ARHGAP6: variants seen among roughly 807,000 people sequenced by gnomAD.
The protein encoded by ARHGAP6 is rho GTPase-activating protein 6.
ARHGAP6 carries 16 observed loss-of-function variants against 55.7 expected under a neutral mutation model. The ratio of observed to expected loss-of-function variants is 0.29; its 90% CI spans 0.19 to 0.44. The LOEUF (loss-of-function observed/expected upper bound fraction) is 0.44, where lower values mean the gene tolerates loss of function less well. Ranked by LOEUF, ARHGAP6 falls within the 20% of genes least tolerant of loss-of-function variation. ARHGAP6 has a pLI of 1.00. For synonymous variants in ARHGAP6, 382 were observed against 360.9 expected (o/e 1.06, Z -0.66); for missense variants, 698 against 808.9 (o/e 0.86, Z 1.66).
At chrX:11,395,737 G>A (rs1055223104) in intron 1 of ARHGAP6, among the ~76,000 whole-genome samples, 20 of 112,278 alleles carry the variant, frequency 1.8e-4, no homozygotes, top group African/African-American at 6.2e-4. Context: ...AAGAGAGAAG[G>A]TGACTGTTGC....
At chrX:11,265,813 A>T in intron 1 of ARHGAP6, 2 of 934,659 alleles carry the variant, frequency 2.1e-6, no homozygotes, top group Admixed American at 4.1e-5. Context: ...GAAATGGCAG[A>T]TCATATTGAA....
intron 1 of ARHGAP6, among the ~76,000 whole-genome samples, chrX:11,432,572 A>G (rs897171124): frequency 6.2e-5 from 7 of 112,804 alleles, no homozygotes; most frequent in African/African-American, 2.3e-4. Context: ...ACACTATTGT[A>G]TAAACAGACT....
chrX:11,624,744 G>T (rs1248150406), intron 1 of ARHGAP6, among the ~76,000 whole-genome samples: 1 of 110,908 alleles, frequency 9.0e-6, no homozygotes, highest in Non-Finnish European at 1.9e-5. Flanking sequence ...GTAGAGACGG[G>T]GTTTCACCGC....
chrX:11,227,757 C>T (rs2047070564), intron 2 of ARHGAP6, among the ~76,000 whole-genome samples: 1 of 109,660 alleles, frequency 9.1e-6, no homozygotes, highest in Middle Eastern at 4.3e-3. Context: ...TTTGCTCATG[C>T]CCTTCCCTCC....
intron 7 of ARHGAP6, 134 bp from the exon 8 acceptor site, chrX:11,178,382 G>C: frequency 1.3e-6 from 1 of 770,680 alleles, no homozygotes; most frequent in East Asian, 3.6e-5. Context: ...TCACTCATTT[G>C]CCCATTGCTT....
intron 1 of ARHGAP6, chrX:11,367,778 T>C: frequency 5.3e-6 from 4 of 753,179 alleles, no homozygotes; most frequent in Non-Finnish European, 6.3e-6. Flanking sequence ...TACCTCCAGA[T>C]TGTGGGACTT....
intron 1 of ARHGAP6, among the ~76,000 whole-genome samples, chrX:11,630,032 T>C (rs1192123565): frequency 9.0e-6 from 1 of 110,695 alleles, no homozygotes; most frequent in Admixed American, 9.7e-5. Context: ...TGTGTGTGTA[T>C]TCACCCTACA....
At chrX:11,242,747 C>T (rs1014939089) in intron 2 of ARHGAP6, among the ~76,000 whole-genome samples, 2 of 111,369 alleles carry the variant, frequency 1.8e-5, no homozygotes, top group Admixed American at 9.5e-5. Context: ...ATACAAAAAT[C>T]ATTTTTCCCT....
intron 1 of ARHGAP6, among the ~76,000 whole-genome samples, chrX:11,577,346 C>T (rs2051611878): frequency 8.9e-6 from 1 of 112,018 alleles, no homozygotes; most frequent in South Asian, 3.7e-4. Flanking sequence ...GAAACTGGGA[C>T]TCAGCCCTGC....
At chrX:11,464,291 A>G (rs2050272842) in intron 1 of ARHGAP6, among the ~76,000 whole-genome samples, 1 of 112,326 alleles carries the variant, frequency 8.9e-6, no homozygotes, top group Non-Finnish European at 1.9e-5. Flanking sequence ...AAATCACTGC[A>G]TTCAATACAA....
At chrX:11,185,421 A>C (rs1234367367) in intron 5 of ARHGAP6, among the ~76,000 whole-genome samples, 2 of 112,135 alleles carry the variant, frequency 1.8e-5, no homozygotes, top group African/African-American at 6.5e-5. Flanking sequence ...TTTTATTAGA[A>C]GGAAATAGAT....
intron 1 of ARHGAP6, among the ~76,000 whole-genome samples, chrX:11,522,092 C>T (rs183551320): frequency 2.2e-4 from 25 of 111,491 alleles, no homozygotes; most frequent in Admixed American, 7.7e-4. Context: ...CACTCAAAAC[C>T]GCCCAACTAC....
At chrX:11,439,397 G>A (rs1484183110) in intron 1 of ARHGAP6, among the ~76,000 whole-genome samples, 1 of 112,402 alleles carries the variant, frequency 8.9e-6, no homozygotes, top group Non-Finnish European at 1.9e-5. Context: ...GTCTATGACT[G>A]CTTTCTCACT....
chrX:11,334,627 C>A, intron 1 of ARHGAP6: 1 of 124,025 alleles, frequency 8.1e-6, no homozygotes, highest in South Asian at 2.8e-4. Flanking sequence ...TGGTTTCATT[C>A]ACTGTCTTTG....
intron 8 of ARHGAP6, among the ~76,000 whole-genome samples, chrX:11,174,544 TCC>T (rs2046144024): frequency 2.6e-5 from 2 of 76,629 alleles, no homozygotes; most frequent in South Asian, 8.8e-4. Flanking sequence ...CTTCCTTCCT[TCC>T]TTCCTTCCTT....
At position 11,138,208 on chromosome X, in the gene ARHGAP6, C is replaced by T. The variant is rs1296442655; in HGVS notation, c.*655G>A. The T allele has an allele frequency of 8.9e-6, 1 of 112,135 alleles. No homozygotes were observed. The highest frequency in any genetic ancestry group is 3.3e-5 in the African/African-American group (1 of 30,745). 9.2% of individuals were successfully genotyped at this position (112,135 alleles called of 1,213,427 possible). A position where few individuals can be genotyped will look rare whatever the true frequency, so the allele number is the denominator to read the frequency against. ...CGTAATCTATCAGATTTAGCATTTT[C>T]CTGAAAACGTATTCAATATCTAAAA... On this transcript the variant is annotated 3_prime_UTR_variant, in exon 13 of 13. Transcript: ENST00000337414.
intron 2 of ARHGAP6, among the ~76,000 whole-genome samples, chrX:11,241,157 A>G (rs1323341266): frequency 9.1e-6 from 1 of 109,664 alleles, no homozygotes; most frequent in African/African-American, 3.3e-5. Flanking sequence ...CAAAAGAGAG[A>G]AGACTGCTTC....
intron 5 of ARHGAP6, among the ~76,000 whole-genome samples, chrX:11,185,142 C>CTGTG (rs3990773): frequency 6.1e-3 from 583 of 95,967 alleles, no homozygotes; most frequent in Middle Eastern, 0.022. Context: ...TGGTGCATGA[C>CTGTG]TGTGTGTGTG....
chrX:11,573,571 C>T (rs1367176628), intron 1 of ARHGAP6, among the ~76,000 whole-genome samples: 1 of 110,351 alleles, frequency 9.1e-6, no homozygotes, highest in Non-Finnish European at 1.9e-5. Context: ...CAGTACCATG[C>T]TGTTTTGGTT....
Sources: allele counts gnomAD v4.1 joint callset (sites outside exome capture counted in the v4.1 genomes callset), GRCh38; gene constraint gnomAD v4.1.1; transcripts MANE v1.5; gene names NCBI Gene and HGNC (gene_info 2026-07-23, HGNC 2026-07-21).